Variants in ARB2A observed in about 807,000 individuals in gnomAD.
ARB2A encodes the protein cotranscriptional regulator ARB2A.
chr5:94,034,954 C>T, the ARB2A span, among the ~76,000 whole-genome samples: 1 of 152,170 alleles, frequency 6.6e-6, no homozygotes, highest in Non-Finnish European at 1.5e-5. Flanking sequence ...TTGCACACTC[C>T]TTATGAGAAT....
At chr5:94,062,633 C>A in the ARB2A span, among the ~76,000 whole-genome samples, 735 of 152,242 alleles carry the variant, frequency 4.8e-3, 2 homozygotes, top group Non-Finnish European at 7.6e-3. Context: ...GAAGACTGTG[C>A]AATGCCATGG....
chr5:93,669,729 C>T, the ARB2A span, among the ~76,000 whole-genome samples: 1 of 152,148 alleles, frequency 6.6e-6, no homozygotes, highest in South Asian at 2.1e-4. Flanking sequence ...GGAGGGTGTA[C>T]ACAGCCTGTT....
At chr5:94,073,506 C>T in the ARB2A span, among the ~76,000 whole-genome samples, 1 of 152,084 alleles carries the variant, frequency 6.6e-6, no homozygotes, top group Non-Finnish European at 1.5e-5. Flanking sequence ...ACTCTTTTAA[C>T]ATCACTGTAC....
At chr5:93,957,980 A>G in the ARB2A span, among the ~76,000 whole-genome samples, 1 of 152,098 alleles carries the variant, frequency 6.6e-6, no homozygotes, top group Non-Finnish European at 1.5e-5. Flanking sequence ...TTCTAAAAAA[A>G]AAATCTACTC....
the ARB2A span, among the ~76,000 whole-genome samples, chr5:93,761,931 T>C: frequency 6.6e-6 from 1 of 152,182 alleles, no homozygotes; most frequent in Non-Finnish European, 1.5e-5. Flanking sequence ...CTGCTGCTGA[T>C]ACCCAGGCAG....
the ARB2A span, among the ~76,000 whole-genome samples, chr5:93,772,647 A>G: frequency 1.3e-5 from 2 of 152,166 alleles, no homozygotes; most frequent in Non-Finnish European, 2.9e-5. Context: ...ACAAGACTAC[A>G]ATCAAGGTGT....
chr5:93,894,207 TAATCTTTATGAATACAATTACAAAC>T, the ARB2A span, among the ~76,000 whole-genome samples: 1 of 152,196 alleles, frequency 6.6e-6, no homozygotes, highest in Admixed American at 6.5e-5. Flanking sequence ...TAAATGTCAT[TAATCTTTATGAATACAATTACAAAC>T]ATAATTTACT....
chr5:93,711,159 G>C, the ARB2A span, among the ~76,000 whole-genome samples: 1 of 150,994 alleles, frequency 6.6e-6, no homozygotes, highest in Non-Finnish European at 1.5e-5. Context: ...AAACAAAAAG[G>C]ATCCTAGGGT....
At chr5:93,731,546 C>T in the ARB2A span, among the ~76,000 whole-genome samples, 3 of 152,158 alleles carry the variant, frequency 2.0e-5, no homozygotes, top group Non-Finnish European at 4.4e-5. Flanking sequence ...AAACTAACAG[C>T]GTGGCATGCT....
the ARB2A span, among the ~76,000 whole-genome samples, chr5:93,979,691 G>A: frequency 1.3e-5 from 2 of 151,876 alleles, no homozygotes; most frequent in Non-Finnish European, 2.9e-5. Context: ...CACTCAAGCT[G>A]GCAGGTTTTA....
the ARB2A span, chr5:93,964,484 A>C: frequency 6.3e-7 from 1 of 1,581,436 alleles, no homozygotes; most frequent in African/African-American, 1.3e-5. Context: ...TTCAAATTAC[A>C]ATCCTTTTCC....
At chr5:93,677,284 C>T in the ARB2A span, among the ~76,000 whole-genome samples, 6,379 of 152,238 alleles carry the variant, frequency 0.042, 411 homozygotes, top group African/African-American at 0.15. Context: ...GATACAGATA[C>T]TCAGCATTGA....
chr5:93,704,673 T>C, the ARB2A span, among the ~76,000 whole-genome samples: 4 of 152,260 alleles, frequency 2.6e-5, no homozygotes, highest in Admixed American at 2.6e-4. Context: ...ACTCTGGCTC[T>C]GCAGTGGAAA....
At chr5:93,757,690 C>T in the ARB2A span, among the ~76,000 whole-genome samples, 1 of 152,102 alleles carries the variant, frequency 6.6e-6, no homozygotes. Context: ...TTCTCCATTA[C>T]CAAGCTACCA....
chr5:93,773,239 T>A, the ARB2A span, among the ~76,000 whole-genome samples: 1 of 152,194 alleles, frequency 6.6e-6, no homozygotes, highest in Non-Finnish European at 1.5e-5. Context: ...TCCTTTGAAC[T>A]GGAAGTTGAG....
chr5:93,736,155 C>T, the ARB2A span: 1 of 152,060 alleles, frequency 6.6e-6, no homozygotes, highest in Non-Finnish European at 1.5e-5. Context: ...TTCATTTACA[C>T]TTGCTTTGTG....
At chr5:93,752,083 G>A in the ARB2A span, among the ~76,000 whole-genome samples, 2 of 152,174 alleles carry the variant, frequency 1.3e-5, no homozygotes, top group Non-Finnish European at 2.9e-5. Context: ...GGCTAAGCCA[G>A]ATGAGAAAGA....
the ARB2A span, among the ~76,000 whole-genome samples, chr5:93,854,652 T>C: frequency 6.6e-6 from 1 of 152,260 alleles, no homozygotes; most frequent in Admixed American, 6.5e-5. Context: ...TCTGGAATGT[T>C]GTGTCTTTGT....
At chr5:93,902,989 T>C in the ARB2A span, among the ~76,000 whole-genome samples, 9 of 152,138 alleles carry the variant, frequency 5.9e-5, no homozygotes, top group African/African-American at 2.2e-4. Flanking sequence ...GTCCCTATTA[T>C]TACTATAGGC....
Sources: gnomAD v4.1 joint callset for allele counts (sites outside exome capture counted in the v4.1 genomes callset) on GRCh38, gnomAD v4.1.1 for gene constraint, MANE v1.5 for transcripts, NCBI Gene and HGNC (gene_info 2026-07-23, HGNC 2026-07-21) for gene names.